The following SCD5 variants were observed in gnomAD, a reference collection of about 807,000 sequenced individuals.
SCD5 encodes the protein stearoyl-CoA desaturase 5, also known as acyl-CoA-desaturase 4.
SCD5 carries 20 observed loss-of-function variants against 30.4 expected under a neutral mutation model. That is an observed-to-expected ratio of 0.66 (90% CI 0.46 to 0.96). The LOEUF is 0.96. SCD5 is among the 40% of genes least tolerant of loss of function. The pLI, the probability that SCD5 is intolerant of heterozygous loss-of-function variation, is 0.00. For missense variants in SCD5, 381 were observed against 443.3 expected (o/e 0.86, Z 1.26); for synonymous variants, 173 against 176.4 (o/e 0.98, Z 0.16).
chr4:82,688,031 G>T (rs1379518262), intron 2 of SCD5, among the ~76,000 whole-genome samples: 1 of 152,158 alleles, frequency 6.6e-6, no homozygotes, highest in East Asian at 1.9e-4. Flanking sequence ...AGCCTAGCTG[G>T]AAACAGTTGC....
chr4:82,744,472 C>T (rs887950928), intron 1 of SCD5, among the ~76,000 whole-genome samples: 2 of 152,126 alleles, frequency 1.3e-5, no homozygotes, highest in Non-Finnish European at 2.9e-5. Context: ...AGCTGTATCC[C>T]CACGACCGTG....
chr4:82,779,212 G>C (rs1270444690), intron 1 of SCD5, among the ~76,000 whole-genome samples: 2 of 151,798 alleles, frequency 1.3e-5, no homozygotes, highest in Admixed American at 6.6e-5. Flanking sequence ...AACTATGTGG[G>C]TGTGCTTAAT....
chr4:82,658,955 C>T (rs191851284), intron 3 of SCD5, among the ~76,000 whole-genome samples: 1 of 152,130 alleles, frequency 6.6e-6, no homozygotes, highest in African/African-American at 2.4e-5. Flanking sequence ...CTGTGAATCC[C>T]TCTGGTCCTT....
chr4:82,798,521 G>C lies in SCD5; in HGVS notation c.17C>G (p.Thr6Ser), dbSNP rs944664694. 3.7e-6 allele frequency: 6 copies of C among 1,600,662 alleles called. No homozygotes were observed. Among genetic ancestry groups the C allele is most frequent in the African/African-American group, 1.3e-5 (1 of 74,398 alleles). ...GCAGAAAGGGATCTTCCCCGCGTCGGTGGCCGGGCCTGGCATGGCTGGGCG... is the reference window on the plus strand; with the variant it reads ...GCAGAAAGGGATCTTCCCCGCGTCGCTGGCCGGGCCTGGCATGGCTGGGCG... MPGPATDAGKIPFCDA... is the reference protein window; with the variant it reads MPGPASDAGKIPFCDA... Residue 6 changes from threonine (T) to serine (S), a missense_variant, in exon 1 of 5, where the codon ACC becomes AGC. Physicochemically the swap from Thr to Ser is moderately conservative, Grantham distance 58. Coordinates refer to ENST00000319540, the MANE Select transcript of SCD5 (RefSeq NM_001037582.3).
chr4:82,635,545 T>C (rs545493158), intron 4 of SCD5, among the ~76,000 whole-genome samples: 15 of 141,546 alleles, frequency 1.1e-4, no homozygotes, highest in African/African-American at 4.0e-4. Flanking sequence ...GGCGTGAACC[T>C]GGGAGGCAGA....
intron 4 of SCD5, among the ~76,000 whole-genome samples, chr4:82,635,959 A>G (rs907095029): frequency 1.3e-5 from 2 of 152,210 alleles, no homozygotes; most frequent in African/African-American, 4.8e-5. Context: ...CTGAGGCTAG[A>G]ATGGTCAGGA....
At chr4:82,742,469 C>A (rs1358969677) in intron 1 of SCD5, among the ~76,000 whole-genome samples, 1 of 152,166 alleles carries the variant, frequency 6.6e-6, no homozygotes, top group African/African-American at 2.4e-5. Flanking sequence ...ATAAATAAAT[C>A]CCCAGATAAC....
Position 82,638,047 on chromosome 4 carries a change from C to T in SCD5, c.570-1224G>A, listed in dbSNP as rs560471923. ...TGTGTGTTGTTCCCCTTCCTGTGTC[C>T]GTGTGTTCTCATTGTTCAGCTCCCA... On this transcript the variant is annotated intron_variant, in intron 3 of 4. Coordinates refer to ENST00000319540, the MANE Select transcript of SCD5 (RefSeq NM_001037582.3). Among the ~76,000 whole-genome samples the T allele has an allele frequency of 3.3e-5, 5 of 152,152 alleles. No individual in the cohort carries two copies. The East Asian group carries it at 7.7e-4, about 24-fold the overall frequency.
At chr4:82,655,724 A>T (rs6849315) in intron 3 of SCD5, among the ~76,000 whole-genome samples, 115,961 of 152,114 alleles carry the variant, frequency 0.76, 44,985 homozygotes, top group East Asian at 0.99. Flanking sequence ...GCTAAATGTT[A>T]GCAACAATTA....
At chr4:82,757,700 A>G (rs1218278246) in intron 1 of SCD5, among the ~76,000 whole-genome samples, 5 of 152,224 alleles carry the variant, frequency 3.3e-5, no homozygotes, top group Non-Finnish European at 7.3e-5. Context: ...CTTATCTTGT[A>G]GAGCCTCGTC....
intron 2 of SCD5, among the ~76,000 whole-genome samples, chr4:82,691,005 TG>T (rs1338108141): frequency 7.4e-5 from 4 of 53,768 alleles, no homozygotes; most frequent in Admixed American, 3.6e-4. Context: ...CAAGACCATT[TG>T]TTTTTTTGTT....
chr4:82,746,383 G>A (rs192141828), intron 1 of SCD5, among the ~76,000 whole-genome samples: 2 of 152,328 alleles, frequency 1.3e-5, no homozygotes, highest in East Asian at 3.9e-4. Context: ...CTCCATAAAT[G>A]TGTCTTTCCT....
At chr4:82,679,287 G>GGAAAGAAA (rs1728516504) in intron 3 of SCD5, among the ~76,000 whole-genome samples, 3 of 126,294 alleles carry the variant, frequency 2.4e-5, no homozygotes, top group Admixed American at 1.7e-4. Context: ...AAAGAAGGAA[G>GGAAAGAAA]GAAAGAAAGA....
intron 2 of SCD5, among the ~76,000 whole-genome samples, chr4:82,690,902 T>C (rs551292832): frequency 1.8e-3 from 269 of 152,338 alleles, no homozygotes; most frequent in Non-Finnish European, 2.7e-3. Flanking sequence ...AAACATAAAG[T>C]AAATGAAGTC....
At chr4:82,756,204 G>A (rs539349110) in intron 1 of SCD5, among the ~76,000 whole-genome samples, 42 of 152,252 alleles carry the variant, frequency 2.8e-4, no homozygotes, top group African/African-American at 8.7e-4. Flanking sequence ...TCACCCACTC[G>A]GTCACCCAAG....
At position 82,720,441 on chromosome 4, in the gene SCD5, TAAA is replaced by T. The variant is rs1553917690; in HGVS notation, c.233-15031_233-15029del. 1.2e-4 allele frequency among the ~76,000 whole-genome samples: 9 copies of T among 77,894 alleles called. 1 individual carries two copies. The highest frequency in any genetic ancestry group is 4.0e-4 in the East Asian group (1 of 2,482). The allele number at this position is 77,894 out of a possible 152,430, so 51.1% of individuals were successfully genotyped here. The stretch of plus-strand genomic sequence containing the variant: ...GATGCTGTCTCAAAAAAGGCAAAAA[TAAA>T]AAAAAAAAAAAAAAAAAAAGACAAA... On this transcript the variant is annotated intron_variant, in intron 1 of 4. Coordinates refer to ENST00000319540, the MANE Select transcript of SCD5 (RefSeq NM_001037582.3).
intron 3 of SCD5, among the ~76,000 whole-genome samples, chr4:82,653,533 T>C (rs1727798994): frequency 6.6e-6 from 1 of 152,140 alleles, no homozygotes; most frequent in South Asian, 2.1e-4. Context: ...AAAATGTTGG[T>C]TATTACAGTC....
chr4:82,725,566 A>C (rs1274967090), intron 1 of SCD5, among the ~76,000 whole-genome samples: 1 of 86,422 alleles, frequency 1.2e-5, no homozygotes, highest in African/African-American at 1.5e-4. Context: ...TTCCTTTAGA[A>C]AATAAAGCCT....
chr4:82,741,094 A>G (rs1363527282), intron 1 of SCD5, among the ~76,000 whole-genome samples: 3 of 118,112 alleles, frequency 2.5e-5, no homozygotes, highest in Admixed American at 1.7e-4. Context: ...GGCGTGTGCC[A>G]GCTAATTTTT....
Sources: gnomAD v4.1 joint callset for allele counts (sites outside exome capture counted in the v4.1 genomes callset) on GRCh38, gnomAD v4.1.1 for gene constraint, MANE v1.5 for transcripts, NCBI Gene and HGNC (gene_info 2026-07-23, HGNC 2026-07-21) for gene names.